Variants in USP15 observed in about 807,000 individuals in gnomAD.
The protein encoded by USP15 is ubiquitin carboxyl-terminal hydrolase 15.
A neutral mutation model predicts 127.1 loss-of-function variants in USP15; 18 were observed. The observed-to-expected ratio is 0.14, with a 90% CI of 0.10 to 0.21. The LOEUF (loss-of-function observed/expected upper bound fraction) is 0.21. Ranked by LOEUF, USP15 falls within the 10% of genes least tolerant of loss-of-function variation. USP15 has a pLI of 1.00. For missense variants in USP15, 805 were observed against 1,159.9 expected (o/e 0.69, Z 4.44); for synonymous variants, 364 against 393.7 (o/e 0.92, Z 0.89).
At chr12:62,268,256 G>C (rs928718435) in intron 1 of USP15, among the ~76,000 whole-genome samples, 5 of 152,056 alleles carry the variant, frequency 3.3e-5, no homozygotes, top group African/African-American at 1.2e-4. Context: ...CTTAGTCAGT[G>C]GTAGAGCAGG....
intron 19 of USP15, chr12:62,393,945 A>G (rs1424500334): frequency 6.6e-6 from 1 of 152,198 alleles, no homozygotes; most frequent in African/African-American, 2.4e-5. Context: ...GAAGGATAAC[A>G]CAGTAGTGAA....
intron 8 of USP15, among the ~76,000 whole-genome samples, chr12:62,367,605 T>C (rs745317635): frequency 6.6e-6 from 1 of 152,220 alleles, no homozygotes; most frequent in South Asian, 2.1e-4. Context: ...TCTAGGTGTT[T>C]ATAGTATTCT....
intron 1 of USP15, among the ~76,000 whole-genome samples, chr12:62,293,076 G>C (rs1435395922): frequency 6.6e-6 from 1 of 152,106 alleles, no homozygotes. Flanking sequence ...CTTGCAGTCT[G>C]GTGTAACACC....
intron 8 of USP15, among the ~76,000 whole-genome samples, chr12:62,372,165 T>C (rs1480382652): frequency 6.6e-6 from 1 of 152,150 alleles, no homozygotes; most frequent in East Asian, 1.9e-4. Context: ...TTCCCAAAGA[T>C]TGCACAGTAA....
intron 2 of USP15, among the ~76,000 whole-genome samples, chr12:62,302,286 A>G (rs1305112223): frequency 6.6e-6 from 1 of 152,160 alleles, no homozygotes; most frequent in African/African-American, 2.4e-5. Context: ...CATATGAGGG[A>G]TCTCTGCTAC....
In USP15 at chr12:62,260,445, A is replaced by G; in HGVS notation, c.31A>G (p.Thr11Ala). The G allele has an allele frequency of 1.9e-6, 3 of 1,551,886 alleles. No individual in the cohort carries two copies. Among genetic ancestry groups the G allele is most frequent in the South Asian group, 2.4e-5 (2 of 84,078 alleles). The change falls in exon 1 of 22, where the codon ACC (threonine) becomes GCC (alanine). Residue 11 changes from threonine to alanine, a missense_variant. Thr to Ala is a moderately conservative substitution (Grantham distance 58, BLOSUM62 0). Transcript: ENST00000280377. MAEGGAADLD[T>A]QRSDIATLLK... ...GGAAGGCGGAGCGGCGGATCTGGACACCCAGCGGTCTGACATCGCGACGCT... is the reference window on the plus strand; with the variant it reads ...GGAAGGCGGAGCGGCGGATCTGGACGCCCAGCGGTCTGACATCGCGACGCT...
intron 1 of USP15, among the ~76,000 whole-genome samples, chr12:62,286,903 C>T (rs2063805312): frequency 6.7e-6 from 1 of 150,356 alleles, no homozygotes; most frequent in Non-Finnish European, 1.5e-5. Flanking sequence ...CACCATTGCA[C>T]TCCAGCCTGG....
chr12:62,394,177 G>A (rs766844321), intron 19 of USP15, among the ~76,000 whole-genome samples: 1 of 152,128 alleles, frequency 6.6e-6, no homozygotes, highest in African/African-American at 2.4e-5. Context: ...AGGGAACATT[G>A]TATTCCCCGT....
At chr12:62,280,833 T>A (rs2063627169) in intron 1 of USP15, among the ~76,000 whole-genome samples, 1 of 151,978 alleles carries the variant, frequency 6.6e-6, no homozygotes, top group South Asian at 2.1e-4. Flanking sequence ...ACCAGCTGAG[T>A]CTAAAGAGGT....
chr12:62,282,785 A>T (rs1415746746), intron 1 of USP15, among the ~76,000 whole-genome samples: 4 of 152,224 alleles, frequency 2.6e-5, no homozygotes, highest in Non-Finnish European at 2.9e-5. Context: ...TAACCCGCAG[A>T]AAGTGAAACT....
chr12:62,387,980 A>G (rs1476645552), intron 11 of USP15, among the ~76,000 whole-genome samples: 2 of 152,178 alleles, frequency 1.3e-5, no homozygotes, highest in African/African-American at 4.8e-5. Flanking sequence ...AAAAGTACCT[A>G]TGTGGATTCA....
intron 1 of USP15, chr12:62,278,796 CTTAAA>C (rs2063566301): frequency 6.6e-6 from 1 of 152,120 alleles, no homozygotes; most frequent in Non-Finnish European, 1.5e-5. Context: ...GCTTAGAACA[CTTAAA>C]TTAATCTACA....
Position 62,410,788 on chromosome 12 carries a change from T to A in USP15, c.*6413T>A, listed in dbSNP as rs540257567. 1 of 152,252 alleles carries A rather than the reference T, an allele frequency of 6.6e-6. No homozygotes were observed. Among genetic ancestry groups the A allele is most frequent in the East Asian group, 1.9e-4 (1 of 5,186 alleles). 9.4% of individuals were successfully genotyped at this position (152,252 alleles called of 1,614,324 possible). A position where few individuals can be genotyped will look rare whatever the true frequency, so the allele number is the denominator to read the frequency against. On this transcript the variant is annotated 3_prime_UTR_variant, in exon 22 of 22. Coordinates refer to ENST00000280377, the MANE Select transcript of USP15 (RefSeq NM_001252078.2). Reference sequence around the variant, plus strand: ...TTTTGAAGCTGTCGTTAAAAGTATATATTTTTAGCAAAGGAATTAATAACT... The same window carrying A: ...TTTTGAAGCTGTCGTTAAAAGTATAAATTTTTAGCAAAGGAATTAATAACT...
At chr12:62,346,685 A>G (rs756768584) in intron 6 of USP15, among the ~76,000 whole-genome samples, 10 of 152,192 alleles carry the variant, frequency 6.6e-5, no homozygotes, top group Non-Finnish European at 1.5e-4. Context: ...AGTTCCTAGA[A>G]TAGAAATCTG....
chr12:62,371,965 C>T (rs556358157), intron 8 of USP15, among the ~76,000 whole-genome samples: 11 of 152,110 alleles, frequency 7.2e-5, no homozygotes, highest in Admixed American at 1.3e-4. Context: ...CAGGAGATAA[C>T]GCTTACTAAA....
In USP15 at chr12:62,415,434, C is replaced by T. The variant is rs1006427162; in HGVS notation, c.*11059C>T. The stretch of plus-strand genomic sequence containing the variant: ...ATATGCCCAGAATAATGTTTGACCA[C>T]ATATCTGGGCACCCTGTGGCCCAGT... On this transcript the variant is annotated 3_prime_UTR_variant, in exon 22 of 22. Coordinates refer to ENST00000280377, the MANE Select transcript of USP15 (RefSeq NM_001252078.2). 3.3e-5 allele frequency: 5 copies of T among 152,234 alleles called. No individual in the cohort carries two copies. The highest frequency in any genetic ancestry group is 1.2e-4 in the African/African-American group (5 of 41,466). 9.4% of individuals were successfully genotyped at this position (152,234 alleles called of 1,614,324 possible). A position where few individuals can be genotyped will look rare whatever the true frequency, so the allele number is the denominator to read the frequency against.
Position 62,394,568 on chromosome 12 carries a change from G to A in USP15, c.2570+1366G>A, listed in dbSNP as rs117234997. ...ATGTAAGTATAAGAAAAAGAATCAG[G>A]GCTGGGCACAGTGGCTCACGCCTGT... On this transcript the variant is annotated intron_variant, in intron 19 of 21. Coordinates refer to ENST00000280377, the MANE Select transcript of USP15 (RefSeq NM_001252078.2). Among the ~76,000 whole-genome samples, 89 of 152,174 alleles carry A rather than the reference G, an allele frequency of 5.8e-4. 1 individual carries two copies. In the East Asian group the frequency reaches 0.014, roughly 25 times the overall value.
intron 8 of USP15, among the ~76,000 whole-genome samples, chr12:62,366,023 C>G (rs2066465092): frequency 6.6e-6 from 1 of 152,274 alleles, no homozygotes; most frequent in Non-Finnish European, 1.5e-5. Context: ...TTAGGATTGT[C>G]TTGGCTATGC....
intron 21 of USP15, among the ~76,000 whole-genome samples, chr12:62,403,682 T>C (rs898237505): frequency 5.9e-5 from 9 of 151,942 alleles, no homozygotes; most frequent in Non-Finnish European, 1.2e-4. Flanking sequence ...GGACTTATGA[T>C]AGGAAAAACC....
Sources: allele counts gnomAD v4.1 joint callset (sites outside exome capture counted in the v4.1 genomes callset), GRCh38; gene constraint gnomAD v4.1.1; transcripts MANE v1.5; gene names NCBI Gene and HGNC (gene_info 2026-07-23, HGNC 2026-07-21).